CNTN1: variants seen among roughly 807,000 people sequenced by gnomAD.
The protein encoded by CNTN1 is contactin 1.
Under a neutral mutation model 126.4 loss-of-function variants are expected in CNTN1, and 38 were observed. The observed-to-expected ratio is 0.30, with a 90% CI of 0.23 to 0.39. CNTN1 has a LOEUF of 0.39. Among genes scored for constraint, CNTN1 ranks in the 10% least tolerant of loss-of-function variants. The pLI, the probability that CNTN1 is intolerant of heterozygous loss-of-function variation, is 1.00. For synonymous variants in CNTN1, 413 were observed against 422.6 expected (o/e 0.98, Z 0.28); for missense variants, 1,009 against 1,248.4 (o/e 0.81, Z 2.89).
At chr12:40,887,367 A>T (rs1000297736) in intron 1 of CNTN1, among the ~76,000 whole-genome samples, 29 of 152,338 alleles carry the variant, frequency 1.9e-4, no homozygotes, top group African/African-American at 6.7e-4. Flanking sequence ...GTGAACAGAC[A>T]CTTCTCAAAA....
chr12:40,786,842 C>T (rs1596528), intron 1 of CNTN1, among the ~76,000 whole-genome samples: 121,142 of 151,544 alleles, frequency 0.8, 48,707 homozygotes, highest in South Asian at 0.86. Flanking sequence ...CTGTCAATAC[C>T]TTCCATGTCA....
At chr12:41,000,832 G>A (rs1486051967) in intron 17 of CNTN1, among the ~76,000 whole-genome samples, 3 of 152,036 alleles carry the variant, frequency 2.0e-5, no homozygotes, top group Non-Finnish European at 4.4e-5. Flanking sequence ...CCTTTTATGT[G>A]TCCAGGTGTT....
chr12:40,940,336 G>A (rs1176253622), intron 12 of CNTN1, among the ~76,000 whole-genome samples: 1 of 152,050 alleles, frequency 6.6e-6, no homozygotes, highest in Non-Finnish European at 1.5e-5. Flanking sequence ...TAAGAGATGA[G>A]ACATAGTAAG....
chr12:40,785,641 C>A (rs987483708), intron 1 of CNTN1, among the ~76,000 whole-genome samples: 1 of 152,000 alleles, frequency 6.6e-6, no homozygotes, highest in African/African-American at 2.4e-5. Context: ...TTACAAAGAA[C>A]CTTCTTAAGG....
At chr12:40,880,558 T>C (rs564897763) in intron 1 of CNTN1, among the ~76,000 whole-genome samples, 2 of 152,184 alleles carry the variant, frequency 1.3e-5, no homozygotes, top group Non-Finnish European at 2.9e-5. Flanking sequence ...AAATATTTGC[T>C]ATTGGTGCTA....
chr12:40,845,918 G>C (rs1942483207), intron 1 of CNTN1, among the ~76,000 whole-genome samples: 1 of 152,138 alleles, frequency 6.6e-6, no homozygotes, highest in East Asian at 1.9e-4. Flanking sequence ...TTAGTGGAAT[G>C]GAAATTAAAT....
At chr12:41,015,209 T>C (rs974435158) in intron 18 of CNTN1, among the ~76,000 whole-genome samples, 2 of 148,594 alleles carry the variant, frequency 1.3e-5, no homozygotes, top group Non-Finnish European at 3.0e-5. Context: ...AAAAAAAAAC[T>C]AATCTGAATC....
intron 23 of CNTN1, among the ~76,000 whole-genome samples, chr12:41,038,584 G>A (rs1413175016): frequency 6.6e-6 from 1 of 152,114 alleles, no homozygotes; most frequent in East Asian, 1.9e-4. Context: ...GAGGTACTAG[G>A]GGGTTAGAAC....
At chr12:40,776,285 A>G (rs917249494) in intron 1 of CNTN1, among the ~76,000 whole-genome samples, 2 of 151,700 alleles carry the variant, frequency 1.3e-5, no homozygotes, top group African/African-American at 4.8e-5. Context: ...GACACATAAG[A>G]TAAAAGTAAA....
chr12:40,752,045 T>C (rs1000347138), intron 1 of CNTN1, among the ~76,000 whole-genome samples: 6 of 152,066 alleles, frequency 3.9e-5, no homozygotes, highest in Non-Finnish European at 8.8e-5. Context: ...ATTCTTAAAT[T>C]TAAATTTGTA....
intron 16 of CNTN1, among the ~76,000 whole-genome samples, chr12:40,985,879 A>C (rs1252794916): frequency 6.6e-6 from 1 of 151,836 alleles, no homozygotes; most frequent in Non-Finnish European, 1.5e-5. Flanking sequence ...GTGTGTGTGC[A>C]CGCACGCATG....
At chr12:40,692,897 C>T (rs1189175984) in intron 1 of CNTN1, among the ~76,000 whole-genome samples, 1 of 152,128 alleles carries the variant, frequency 6.6e-6, no homozygotes, top group East Asian at 1.9e-4. Context: ...CCGCCGCCAG[C>T]GCCGGGAACT....
intron 1 of CNTN1, among the ~76,000 whole-genome samples, chr12:40,806,068 A>G (rs1271565543): frequency 6.6e-6 from 1 of 151,990 alleles, no homozygotes; most frequent in African/African-American, 2.4e-5. Context: ...TGCACTCCAG[A>G]GGTAGAATGC....
At chr12:40,934,000 A>G in intron 9 of CNTN1, 122 bp downstream of exon 9, 1 of 753,176 alleles carries the variant, frequency 1.3e-6, no homozygotes, top group Non-Finnish European at 2.2e-6. Context: ...ATGTTACATC[A>G]TGGAGAAAGA....
At chr12:40,805,256 C>G (rs898684208) in intron 1 of CNTN1, among the ~76,000 whole-genome samples, 4 of 151,914 alleles carry the variant, frequency 2.6e-5, no homozygotes, top group Admixed American at 2.0e-4. Flanking sequence ...TCTTCTACCC[C>G]CTTTTCCCTC....
intron 1 of CNTN1, among the ~76,000 whole-genome samples, chr12:40,728,556 T>C (rs958613371): frequency 6.6e-6 from 1 of 152,150 alleles, no homozygotes; most frequent in African/African-American, 2.4e-5. Flanking sequence ...ATGTTGGCTA[T>C]CCACATTCTA....
At chr12:40,973,821 TG>T (rs1947594106) in intron 15 of CNTN1, among the ~76,000 whole-genome samples, 1 of 152,102 alleles carries the variant, frequency 6.6e-6, no homozygotes, top group Non-Finnish European at 1.5e-5. Context: ...AAATGATACG[TG>T]GGGTGTAGTC....
At chr12:40,887,587 CT>C (rs1565887081) in intron 1 of CNTN1, among the ~76,000 whole-genome samples, 1 of 151,790 alleles carries the variant, frequency 6.6e-6, no homozygotes, top group Non-Finnish European at 1.5e-5. Context: ...TAGTTCAACC[CT>C]TGTGGAAGTC....
At chr12:40,882,100 G>A (rs1943889283) in intron 1 of CNTN1, among the ~76,000 whole-genome samples, 1 of 151,676 alleles carries the variant, frequency 6.6e-6, no homozygotes, top group Non-Finnish European at 1.5e-5. Flanking sequence ...GGACTGATAG[G>A]CAGAAGTAGA....
Sources: gnomAD v4.1 joint callset for allele counts (sites outside exome capture counted in the v4.1 genomes callset) on GRCh38, gnomAD v4.1.1 for gene constraint, MANE v1.5 for transcripts, NCBI Gene and HGNC (gene_info 2026-07-23, HGNC 2026-07-21) for gene names.